CLMN: variants seen among roughly 807,000 people sequenced by gnomAD.
The protein encoded by CLMN is calmin (calponin-like, transmembrane).
CLMN carries 57 observed loss-of-function variants against 92.7 expected under a neutral mutation model. The observed-to-expected ratio is 0.61, with a 90% confidence interval of 0.50 to 0.77. The LOEUF is 0.77. Among genes scored for constraint, CLMN ranks in the 30% least tolerant of loss-of-function variants. CLMN has a pLI of 0.00. For missense variants in CLMN, 1,158 were observed against 1,237.5 expected (o/e 0.94, Z 0.96); for synonymous variants, 466 against 470.6 (o/e 0.99, Z 0.13).
chr14:95,253,100 T>C (rs1392572114), intron 1 of CLMN, among the ~76,000 whole-genome samples: 4 of 152,112 alleles, frequency 2.6e-5, no homozygotes, highest in Non-Finnish European at 5.9e-5. Flanking sequence ...ACCTTGGCAA[T>C]TTGGCAAACT....
intron 2 of CLMN, among the ~76,000 whole-genome samples, chr14:95,224,375 C>T (rs988151095): frequency 5.3e-5 from 8 of 152,098 alleles, no homozygotes; most frequent in Non-Finnish European, 1.2e-4. Context: ...CTCCGCCTCC[C>T]GGGTTCAAGT....
At chr14:95,293,568 A>G (rs1413828527) in intron 1 of CLMN, among the ~76,000 whole-genome samples, 9 of 152,114 alleles carry the variant, frequency 5.9e-5, no homozygotes, top group Admixed American at 5.9e-4. Context: ...ATTCAAGACC[A>G]GGAGAATGGG....
chr14:95,270,141 T>C (rs575740809), intron 1 of CLMN, among the ~76,000 whole-genome samples: 15 of 152,312 alleles, frequency 9.8e-5, no homozygotes, highest in African/African-American at 1.7e-4. Flanking sequence ...CCTCCCACGA[T>C]GTGCCATGTC....
At chr14:95,231,488 G>A (rs779141403) in intron 1 of CLMN, among the ~76,000 whole-genome samples, 10 of 152,098 alleles carry the variant, frequency 6.6e-5, no homozygotes, top group Non-Finnish European at 1.3e-4. Flanking sequence ...GTGAGCCACC[G>A]CGCCCAGCCG....
chr14:95,264,435 T>C (rs1423721480), intron 1 of CLMN, among the ~76,000 whole-genome samples: 2 of 152,114 alleles, frequency 1.3e-5, no homozygotes, highest in African/African-American at 4.8e-5. Flanking sequence ...CCTGGGTTAG[T>C]CCCGTAAAAC....
chr14:95,319,847 G>GCCTGGCTGGCGGGCGCGGAGAT lies in CLMN; in HGVS notation c.-56_-55insATCTCCGCGCCCGCCAGCCAGG. 1 of 1,086,078 alleles carries GCCTGGCTGGCGGGCGCGGAGAT rather than the reference G, an allele frequency of 9.2e-7. No individual in the cohort carries two copies. The highest frequency in any genetic ancestry group is 1.1e-6 in the Non-Finnish European group (1 of 888,000). The allele number at this position is 1,086,078 out of a possible 1,614,324, so 67.3% of individuals were successfully genotyped here. ...GCGGCGCGGGCGGCGGGCGCGGAGA[G>GCCTGGCTGGCGGGCGCGGAGAT]CCTGGCTGGCGGGCGCGCGAGCGGC... On this transcript the variant is annotated 5_prime_UTR_variant, in exon 1 of 13. Coordinates refer to ENST00000298912, the MANE Select transcript of CLMN (RefSeq NM_024734.4).
At position 95,248,485 on chromosome 14, in the gene CLMN, C is replaced by T. The variant is rs185643946; in HGVS notation, c.83-18352G>A. 6.4e-3 allele frequency among the ~76,000 whole-genome samples: 968 copies of T among 152,288 alleles called. 5 individuals carry two copies. Among genetic ancestry groups the T allele is most frequent in the Non-Finnish European group, 9.7e-3 (663 of 68,022 alleles). ...CAGGCCTGGCCCTAAAGCTCACATC[C>T]CTAACCATTACACAGTACTGTCCGT... On this transcript the variant is annotated intron_variant, in intron 1 of 12. Coordinates refer to ENST00000298912, the MANE Select transcript of CLMN (RefSeq NM_024734.4).
chr14:95,275,431 C>T (rs1021119110), intron 1 of CLMN, among the ~76,000 whole-genome samples: 1 of 152,130 alleles, frequency 6.6e-6, no homozygotes, highest in Non-Finnish European at 1.5e-5. Context: ...TAGTATGCTA[C>T]AAGACACTCC....
rs1345619312 is a variant in CLMN, at chr14:95,203,948, C to T, written c.1401G>A (p.Glu467=). ...GTTTCTGTTCCTTTTCCTCAGCAACCTCAACTGCCAAGACATGTCCATCCT... is the reference window on the plus strand; with the variant it reads ...GTTTCTGTTCCTTTTCCTCAGCAACTTCAACTGCCAAGACATGTCCATCCT... The part of the protein sequence containing the change: ...LRQDGHVLAV[E]VAEEKEQKQE... The change falls in exon 9 of 13, where the codon GAG becomes GAA. Residue 467 remains glutamate, a synonymous_variant. Transcript: ENST00000298912. 12 of 1,614,040 alleles carry T rather than the reference C, an allele frequency of 7.4e-6. No individual in the cohort carries two copies. The highest frequency in any genetic ancestry group is 1.0e-5 in the Non-Finnish European group (12 of 1,180,046).
At chr14:95,226,301 A>G (rs1455010573) in intron 2 of CLMN, among the ~76,000 whole-genome samples, 1 of 152,212 alleles carries the variant, frequency 6.6e-6, no homozygotes, top group Non-Finnish European at 1.5e-5. Flanking sequence ...TGCAAAGTAA[A>G]TAGTTGTTAT....
intron 3 of CLMN, chr14:95,222,624 G>C: frequency 2.2e-6 from 1 of 455,930 alleles, no homozygotes; most frequent in Non-Finnish European, 4.4e-6. Context: ...GGGAGCCTCT[G>C]TGCTGGGAGC....
chr14:95,289,026 T>C (rs1449887077), intron 1 of CLMN, among the ~76,000 whole-genome samples: 3 of 152,168 alleles, frequency 2.0e-5, no homozygotes, highest in African/African-American at 7.2e-5. Context: ...ACAATAGGGG[T>C]TACCGCTGGA....
rs548217723 is a variant in CLMN, at chr14:95,266,833, T to TA, written c.83-36701dup. 2.8e-3 allele frequency among the ~76,000 whole-genome samples: 425 copies of TA among 152,082 alleles called. 1 individual carries two copies. The highest frequency in any genetic ancestry group is 3.5e-3 in the African/African-American group (145 of 41,484). ...AACCAAAACAGCATGGTAACTGGCA[T>TA]AAAAAAAGACACAAAGACCAATGAA... On this transcript the variant is annotated intron_variant, in intron 1 of 12. Transcript: ENST00000298912.
At chr14:95,317,459 C>T (rs1901833312) in intron 1 of CLMN, among the ~76,000 whole-genome samples, 1 of 152,180 alleles carries the variant, frequency 6.6e-6, no homozygotes, top group Non-Finnish European at 1.5e-5. Context: ...TAGCCCCAAA[C>T]TGCACACAAC....
chr14:95,312,815 C>T (rs1450361267), intron 1 of CLMN, among the ~76,000 whole-genome samples: 1 of 152,158 alleles, frequency 6.6e-6, no homozygotes, highest in African/African-American at 2.4e-5. Flanking sequence ...GGCATCTTGA[C>T]GGCTTTCATC....
At chr14:95,273,000 T>C (rs892292215) in intron 1 of CLMN, among the ~76,000 whole-genome samples, 1 of 152,168 alleles carries the variant, frequency 6.6e-6, no homozygotes, top group Admixed American at 6.5e-5. Context: ...GCAGTAGTGG[T>C]TGTGTGAGTC....
At position 95,241,971 on chromosome 14, in the gene CLMN, A is replaced by G. The variant is rs1898258531; in HGVS notation, c.83-11838T>C. 2.0e-5 allele frequency among the ~76,000 whole-genome samples: 3 copies of G among 152,164 alleles called. No homozygotes were observed. In the South Asian group the frequency reaches 6.2e-4, roughly 32 times the overall value. On this transcript the variant is annotated intron_variant, in intron 1 of 12. Transcript: ENST00000298912. ...GTTATTACAAGGTCTCCCTAATGCC[A>G]CAGACCCAATAGCTCAGACCTCAAG...
At chr14:95,193,535 A>T in intron 12 of CLMN, 1 of 687,170 alleles carries the variant, frequency 1.5e-6, no homozygotes, top group Non-Finnish European at 2.4e-6. Context: ...ACTACCCTAT[A>T]CCACTAAACC....
At chr14:95,276,822 T>C (rs934883257) in intron 1 of CLMN, among the ~76,000 whole-genome samples, 1 of 152,242 alleles carries the variant, frequency 6.6e-6, no homozygotes, top group Non-Finnish European at 1.5e-5. Context: ...CTGTGTTTTG[T>C]CACGCATATT....
Sources: allele counts gnomAD v4.1 joint callset (sites outside exome capture counted in the v4.1 genomes callset), GRCh38; gene constraint gnomAD v4.1.1; transcripts MANE v1.5; gene names NCBI Gene and HGNC (gene_info 2026-07-23, HGNC 2026-07-21).